Variants in NFIA observed in about 807,000 individuals in gnomAD.
NFIA encodes nuclear factor I A, also known as nuclear factor 1 A-type.
In NFIA, 8 loss-of-function variants were observed where a neutral mutation model predicts 62.8. That is an observed-to-expected ratio of 0.13 (90% CI 0.07 to 0.23). The LOEUF (loss-of-function observed/expected upper bound fraction) is 0.23. Ranked by LOEUF, NFIA falls within the 10% of genes least tolerant of loss-of-function variation. NFIA has a pLI of 1.00. For synonymous variants in NFIA, 235 were observed against 238.1 expected, an observed-to-expected ratio of 0.99 and a Z score of 0.12; for missense variants, 410 against 642.1, an observed-to-expected ratio of 0.64 and a Z score of 3.91.
chr1:61,167,123 A>G (rs1277686737), intron 2 of NFIA, among the ~76,000 whole-genome samples: 1 of 152,216 alleles, frequency 6.6e-6, no homozygotes, highest in Non-Finnish European at 1.5e-5. Flanking sequence ...CCTGGGTGAC[A>G]GAGTGAGACT....
intron 2 of NFIA, among the ~76,000 whole-genome samples, chr1:61,110,472 T>C (rs757438215): frequency 2.0e-5 from 3 of 151,958 alleles, no homozygotes; most frequent in African/African-American, 4.8e-5. Flanking sequence ...CAAATATATA[T>C]ACACACACAC....
At chr1:61,406,784 C>A (rs1191077067) in intron 9 of NFIA, 57 bp downstream of exon 9, 1 of 1,484,540 alleles carries the variant, frequency 6.7e-7, no homozygotes. Flanking sequence ...CACTGGAATC[C>A]ACACTTAGGC....
At chr1:61,455,098 G>A (rs913004730) in intron 10 of NFIA, among the ~76,000 whole-genome samples, 15 of 152,222 alleles carry the variant, frequency 9.9e-5, no homozygotes, top group African/African-American at 2.4e-4. Flanking sequence ...AAACCCCAAT[G>A]AAGACAATGA....
chr1:61,216,488 TTGAAA>T (rs1170244643), intron 2 of NFIA, among the ~76,000 whole-genome samples: 1 of 152,220 alleles, frequency 6.6e-6, no homozygotes, highest in African/African-American at 2.4e-5. Flanking sequence ...CAGTTGGCTC[TTGAAA>T]TGAGAATGTT....
intron 7 of NFIA, among the ~76,000 whole-genome samples, chr1:61,394,125 T>C (rs1254309294): frequency 6.6e-6 from 1 of 152,198 alleles, no homozygotes; most frequent in East Asian, 1.9e-4. Flanking sequence ...CCTGTGTACA[T>C]TAATGCTAAT....
chr1:61,118,813 G>A (rs1390288956), intron 2 of NFIA, among the ~76,000 whole-genome samples: 2 of 151,948 alleles, frequency 1.3e-5, no homozygotes, highest in Non-Finnish European at 2.9e-5. Flanking sequence ...CACAGAATAG[G>A]CAGTGGTGGT....
chr1:61,333,792 G>A (rs1661434427), intron 4 of NFIA, among the ~76,000 whole-genome samples: 1 of 152,154 alleles, frequency 6.6e-6, no homozygotes, highest in African/African-American at 2.4e-5. Context: ...GAGGTCAGGA[G>A]TTTGAGACCA....
chr1:61,283,581 C>CAAAA lies in NFIA; in HGVS notation c.625+6020_625+6023dup, dbSNP rs576613886. 5.7e-4 allele frequency among the ~76,000 whole-genome samples: 21 copies of CAAAA among 36,690 alleles called. 1 individual carries two copies. The highest frequency in any genetic ancestry group is 1.5e-3 in the African/African-American group (17 of 11,616). 24.1% of individuals were successfully genotyped at this position (36,690 alleles called of 152,430 possible). A position where few individuals can be genotyped will look rare whatever the true frequency, so the allele number is the denominator to read the frequency against. ...TGGGTGACAGAACGAGACTCTGTCT[C>CAAAA]AAAAAAAAAAAAAAAAAAAAAAAAA... is the stretch of plus-strand genomic sequence containing the variant. On this transcript the variant is annotated intron_variant, in intron 3 of 10. Transcript: ENST00000403491.
At chr1:61,146,242 G>T (rs1449901497) in intron 2 of NFIA, among the ~76,000 whole-genome samples, 1 of 152,092 alleles carries the variant, frequency 6.6e-6, no homozygotes, top group African/African-American at 2.4e-5. Context: ...ATAATCCAGG[G>T]TAATCTGTCT....
chr1:61,136,851 C>T (rs925751183), intron 2 of NFIA, among the ~76,000 whole-genome samples: 4 of 152,136 alleles, frequency 2.6e-5, no homozygotes, highest in Non-Finnish European at 4.4e-5. Context: ...AATCCAATTT[C>T]ATCATCTATA....
At chr1:61,383,694 ATGTGTG>A (rs142509081) in intron 7 of NFIA, among the ~76,000 whole-genome samples, 3 of 152,024 alleles carry the variant, frequency 2.0e-5, no homozygotes, top group African/African-American at 7.2e-5. Context: ...GAGAGACAGA[ATGTGTG>A]TGTGTGTGCG....
chr1:61,297,560 G>A (rs1168008709), intron 3 of NFIA, among the ~76,000 whole-genome samples: 2 of 152,142 alleles, frequency 1.3e-5, no homozygotes, highest in Admixed American at 1.3e-4. Flanking sequence ...TATAAATGTT[G>A]CGGTAGTAGT....
At position 61,458,686 on chromosome 1, in the gene NFIA, C is replaced by CT. The variant is rs1668409249; in HGVS notation, c.*3366_*3367insT. 1 of 132,778 alleles carries CT rather than the reference C, an allele frequency of 7.5e-6. No homozygotes were observed. The highest frequency in any genetic ancestry group is 7.1e-5 in the Admixed American group (1 of 14,064). The allele number at this position is 132,778 out of a possible 1,614,324, so 8.2% of individuals were successfully genotyped here. On this transcript the variant is annotated 3_prime_UTR_variant, in exon 11 of 11. Coordinates refer to ENST00000403491, the MANE Select transcript of NFIA (RefSeq NM_001134673.4). ...ATTTAAGTTTAAAACTTTCCTGTTT[C>CT]CTTTTTTTTTTTTTTTTTGTAAGTA...
chr1:61,107,040 G>A (rs1303510553), intron 2 of NFIA, among the ~76,000 whole-genome samples: 1 of 151,206 alleles, frequency 6.6e-6, no homozygotes, highest in African/African-American at 2.4e-5. Context: ...CATATATACT[G>A]TAATTTATTA....
chr1:61,118,644 A>G (rs1030207456), intron 2 of NFIA, among the ~76,000 whole-genome samples: 2 of 151,608 alleles, frequency 1.3e-5, no homozygotes, highest in Non-Finnish European at 2.9e-5. Context: ...AAGTGCAAAA[A>G]GTTTGGTCGG....
chr1:61,107,219 GT>G (rs1014497289), intron 2 of NFIA, among the ~76,000 whole-genome samples: 2,504 of 143,846 alleles, frequency 0.017, 69 homozygotes, highest in African/African-American at 0.061. Flanking sequence ...TAAATGTTAA[GT>G]TTTTTTTTTT....
At chr1:61,235,138 T>C (rs1654913881) in intron 2 of NFIA, among the ~76,000 whole-genome samples, 1 of 152,136 alleles carries the variant, frequency 6.6e-6, no homozygotes, top group Admixed American at 6.5e-5. Context: ...AATAAAGGAA[T>C]GAAACTACTA....
At chr1:61,312,243 A>G (rs1397022149) in intron 3 of NFIA, among the ~76,000 whole-genome samples, 1 of 152,216 alleles carries the variant, frequency 6.6e-6, no homozygotes, top group Non-Finnish European at 1.5e-5. Context: ...CATGGAGGTA[A>G]ACCATTGCCA....
chr1:61,314,800 T>A (rs1660285237), intron 3 of NFIA, among the ~76,000 whole-genome samples: 1 of 152,206 alleles, frequency 6.6e-6, no homozygotes, highest in Non-Finnish European at 1.5e-5. Context: ...ACAGAAATGA[T>A]ATCAGAAGGT....
Sources: allele counts gnomAD v4.1 joint callset (sites outside exome capture counted in the v4.1 genomes callset), GRCh38; gene constraint gnomAD v4.1.1; transcripts MANE v1.5; gene names NCBI Gene and HGNC (gene_info 2026-07-23, HGNC 2026-07-21).